GALNT18: variants seen among roughly 807,000 people sequenced by gnomAD.
The protein encoded by GALNT18 is polypeptide N-acetylgalactosaminyltransferase 18, also known as GalNAc-transferase 18.
Under a neutral mutation model 69.5 loss-of-function variants are expected in GALNT18, and 44 were observed. The observed-to-expected ratio is 0.63, with a 90% CI of 0.50 to 0.81. The LOEUF is 0.81. Ranked by LOEUF, GALNT18 falls within the 40% of genes least tolerant of loss-of-function variation. The pLI is 0.00. For missense variants in GALNT18, 715 were observed against 810.0 expected, an observed-to-expected ratio of 0.88 and a Z score of 1.42; for synonymous variants, 364 against 318.2, an observed-to-expected ratio of 1.14 and a Z score of -1.53.
At chr11:11,453,998 G>A (rs1855868005) in intron 1 of GALNT18, among the ~76,000 whole-genome samples, 1 of 152,182 alleles carries the variant, frequency 6.6e-6, no homozygotes, top group Non-Finnish European at 1.5e-5. Flanking sequence ...GAGTCCCTCA[G>A]ACTCAGAACA....
intron 3 of GALNT18, among the ~76,000 whole-genome samples, chr11:11,394,677 G>T (rs565164250): frequency 2.2e-4 from 34 of 152,338 alleles, no homozygotes; most frequent in Admixed American, 1.5e-3. Context: ...CTCAATCATG[G>T]CCTCACTAGG....
chr11:11,577,294 G>A (rs1263103886), intron 1 of GALNT18, among the ~76,000 whole-genome samples: 6 of 152,104 alleles, frequency 3.9e-5, no homozygotes, highest in Non-Finnish European at 5.9e-5. Context: ...GAGCGGAGAC[G>A]ACCACTGTGG....
rs773749797 is a variant in GALNT18 at position 11,332,647 on chromosome 11, C to T, written c.1416+47G>A. 1 of 1,599,322 alleles carries T rather than the reference C, an allele frequency of 6.3e-7. No individual in the cohort carries two copies. Among genetic ancestry groups the T allele is most frequent in the Admixed American group, 1.7e-5 (1 of 59,832 alleles). On this transcript the variant is annotated intron_variant, in intron 8 of 10. Transcript: ENST00000227756. This position sits in a 1 kb window ranked among gnomAD's most constrained non-coding sequence, Gnocchi z 4.3. ...TCCTCTCCCTTTCTTCACTATGTTT[C>T]TTTCTGTCTGTGTCTGAATGAAACC...
chr11:11,479,020 C>G (rs1019749062), intron 1 of GALNT18, among the ~76,000 whole-genome samples: 3 of 152,202 alleles, frequency 2.0e-5, no homozygotes, highest in Admixed American at 2.0e-4. Context: ...AATGGCCCTG[C>G]GTCTTGGGCT....
At position 11,320,643 on chromosome 11, in the gene GALNT18, C is replaced by T. The variant is rs16909444; in HGVS notation, c.1512+6443G>A. On this transcript the variant is annotated intron_variant, in intron 9 of 10. Coordinates refer to ENST00000227756, the MANE Select transcript of GALNT18 (RefSeq NM_198516.3). This position sits in a 1 kb window ranked among gnomAD's most constrained non-coding sequence, Gnocchi z 4.9. ...TCTTCCATGAGCAGTGAACTTCTTG[C>T]GGGCTGGAAGATGACTTTGGGAAGC... is the stretch of plus-strand genomic sequence containing the variant. 3.3e-3 allele frequency among the ~76,000 whole-genome samples: 499 copies of T among 152,286 alleles called. 5 individuals carry two copies. The highest frequency in any genetic ancestry group is 0.011 in the African/African-American group (463 of 41,552).
rs879453933 is a variant in GALNT18, at chr11:11,618,843, C to T, written c.235+2516G>A. Among the ~76,000 whole-genome samples, 1 of 152,148 alleles carries T rather than the reference C, an allele frequency of 6.6e-6. No individual in the cohort carries two copies. The highest frequency in any genetic ancestry group is 1.5e-5 in the Non-Finnish European group (1 of 68,034). ...TTATTTTAGCTCTTATTATTATTAC[C>T]GCTTATTCCCTCCAGTTCAGCAAAG... On this transcript the variant is annotated intron_variant, in intron 1 of 10. Coordinates refer to ENST00000227756, the MANE Select transcript of GALNT18 (RefSeq NM_198516.3). This position sits in a 1 kb window ranked among gnomAD's most constrained non-coding sequence, Gnocchi z 6.1.
rs1810212513 is a variant in GALNT18 at position 11,396,257 on chromosome 11, A to G, written c.596-16993T>C. On this transcript the variant is annotated intron_variant, in intron 3 of 10. Transcript: ENST00000227756. This position sits in a 1 kb window ranked among gnomAD's most constrained non-coding sequence, Gnocchi z 5.2. ...GGCTGGGTCTGTCAGTGGTGTTCGC[A>G]AACAGTGTTTGGCTTTCTCGATTCT... Among the ~76,000 whole-genome samples the G allele has an allele frequency of 6.6e-6, 1 of 152,240 alleles. No individual in the cohort carries two copies.
chr11:11,554,040 TTTGCCAG>T (rs527299266), intron 1 of GALNT18, among the ~76,000 whole-genome samples: 211 of 152,248 alleles, frequency 1.4e-3, no homozygotes, highest in Middle Eastern at 3.4e-3. Context: ...TACAAAAGGG[TTTGCCAG>T]TTACAGGCAA....
At chr11:11,380,246 A>G (rs1239478127) in intron 3 of GALNT18, among the ~76,000 whole-genome samples, 1 of 152,212 alleles carries the variant, frequency 6.6e-6, no homozygotes, top group South Asian at 2.1e-4. Context: ...AATGGGACCT[A>G]TTTTGGAGCC....
intron 1 of GALNT18, among the ~76,000 whole-genome samples, chr11:11,490,427 A>G (rs1371653821): frequency 6.6e-6 from 1 of 152,196 alleles, no homozygotes; most frequent in Non-Finnish European, 1.5e-5. Flanking sequence ...AAAATAGACT[A>G]AGAAAATGCC....
chr11:11,368,724 T>TATAGTG (rs1850829346), intron 6 of GALNT18, among the ~76,000 whole-genome samples: 1 of 151,104 alleles, frequency 6.6e-6, no homozygotes, highest in Non-Finnish European at 1.5e-5. Flanking sequence ...AGTGTCTTGC[T>TATAGTG]TCTTATTCAT....
At chr11:11,366,904 T>C (rs1850784992) in intron 6 of GALNT18, among the ~76,000 whole-genome samples, 1 of 152,228 alleles carries the variant, frequency 6.6e-6, no homozygotes, top group South Asian at 2.1e-4. Flanking sequence ...GGATGAAAAC[T>C]GGCAGACTAG....
chr11:11,457,980 G>A (rs1340703512), intron 1 of GALNT18, among the ~76,000 whole-genome samples: 5 of 152,210 alleles, frequency 3.3e-5, no homozygotes, highest in African/African-American at 7.2e-5. Flanking sequence ...CAGGCAGGTT[G>A]GGGTGCCAGG....
At chr11:11,346,850 G>T (rs1006208433) in intron 6 of GALNT18, among the ~76,000 whole-genome samples, 1 of 152,148 alleles carries the variant, frequency 6.6e-6, no homozygotes, top group Non-Finnish European at 1.5e-5. Flanking sequence ...AAGCATGGAG[G>T]TCTTAGGGGC....
chr11:11,288,174 C>T (rs1388636383), intron 10 of GALNT18, among the ~76,000 whole-genome samples: 12 of 152,136 alleles, frequency 7.9e-5, no homozygotes, highest in Non-Finnish European at 1.5e-4. Context: ...AATGTGAAGT[C>T]TACCTCCTTG....
chr11:11,476,137 C>T (rs1856391638), intron 1 of GALNT18: 1 of 152,192 alleles, frequency 6.6e-6, no homozygotes, highest in Non-Finnish European at 1.5e-5. Flanking sequence ...TGATATTTTT[C>T]CTTCATATCT....
intron 3 of GALNT18, among the ~76,000 whole-genome samples, chr11:11,426,431 C>CA (rs1487440158): frequency 6.6e-5 from 10 of 152,324 alleles, no homozygotes; most frequent in African/African-American, 2.4e-4. Context: ...CACAAAGAAT[C>CA]AGAGTGCCCT....
intron 10 of GALNT18, among the ~76,000 whole-genome samples, chr11:11,285,485 C>T (rs1361864261): frequency 6.6e-6 from 1 of 152,168 alleles, no homozygotes; most frequent in African/African-American, 2.4e-5. Flanking sequence ...TGAGCCATCA[C>T]ACCTAGTCCC....
rs1212636988 is a variant in GALNT18, at chr11:11,356,687, G to A, written c.1093-15683C>T. 3.9e-5 allele frequency among the ~76,000 whole-genome samples: 6 copies of A among 151,918 alleles called. No individual in the cohort carries two copies. Among genetic ancestry groups the A allele is most frequent in the South Asian group, 2.1e-4 (1 of 4,800 alleles). ...CAAATCCTTCATCAATTGTTACCTC[G>A]TTTGTGCATGTTATTAATCTCTCTT... On this transcript the variant is annotated intron_variant, in intron 6 of 10. Coordinates refer to ENST00000227756, the MANE Select transcript of GALNT18 (RefSeq NM_198516.3). The surrounding 1 kb of genome is among the most constrained non-coding windows in gnomAD (Gnocchi z 4.4).
Sources: gnomAD v4.1 joint callset for allele counts (sites outside exome capture counted in the v4.1 genomes callset) on GRCh38, gnomAD v4.1.1 for gene constraint, Gnocchi (gnomAD v3.1) non-coding constraint, MANE v1.5 for transcripts, NCBI Gene and HGNC (gene_info 2026-07-23, HGNC 2026-07-21) for gene names.